The following RICTOR variants were observed in gnomAD, a reference collection of about 807,000 sequenced individuals.
RICTOR encodes the protein rapamycin-insensitive companion of mTOR.
Under a neutral mutation model 214.9 loss-of-function variants are expected in RICTOR, and 49 were observed. The ratio of observed to expected loss-of-function variants is 0.23; its 90% CI spans 0.18 to 0.29. The LOEUF (loss-of-function observed/expected upper bound fraction) is 0.29. Ranked by LOEUF, RICTOR falls within the 10% of genes least tolerant of loss-of-function variation. The pLI is 1.00. For missense variants in RICTOR, 1,625 were observed against 2,047.0 expected (o/e 0.79, Z 3.98); for synonymous variants, 717 against 711.3 (o/e 1.01, Z -0.13).
intron 2 of RICTOR, among the ~76,000 whole-genome samples, chr5:39,033,558 G>C (rs1756425343): frequency 6.6e-6 from 1 of 152,058 alleles, no homozygotes; most frequent in South Asian, 2.1e-4. Flanking sequence ...CACTGCACCT[G>C]GCCCACCAGT....
At chr5:39,005,845 C>T (rs1022500509) in intron 3 of RICTOR, among the ~76,000 whole-genome samples, 1 of 152,196 alleles carries the variant, frequency 6.6e-6, no homozygotes, top group Non-Finnish European at 1.5e-5. Flanking sequence ...TCTGCTTTTT[C>T]CCTGCCACCT....
Position 39,073,561 on chromosome 5 carries a change from G to A in RICTOR, c.97+550C>T, listed in dbSNP as rs75612118. Among the ~76,000 whole-genome samples the A allele has an allele frequency of 1.9e-3, 295 of 152,318 alleles. 1 individual carries two copies. Among genetic ancestry groups the A allele is most frequent in the Middle Eastern group, 0.01 (3 of 294 alleles). ...CATAAACCAGACATTTAGCAGTAAT[G>A]ACCAGTTCTAGGTTTCACTACCAAG... On this transcript the variant is annotated intron_variant, in intron 2 of 37. Coordinates refer to ENST00000357387, the MANE Select transcript of RICTOR (RefSeq NM_152756.5).
chr5:39,059,783 T>C (rs1389405668), intron 2 of RICTOR, among the ~76,000 whole-genome samples: 1 of 152,144 alleles, frequency 6.6e-6, no homozygotes, highest in Non-Finnish European at 1.5e-5. Context: ...TCTTTTGCTT[T>C]CACTGACCAT....
chr5:38,949,397 T>C lies in RICTOR; in HGVS notation c.4136+315A>G, dbSNP rs1296607524. The stretch of plus-strand genomic sequence containing the variant: ...TTATTGTAGGTCTTAAGCTCCTGAT[T>C]CCCCCGACATGCTTCTTTTTAAAAT... On this transcript the variant is annotated intron_variant, in intron 31 of 37. Coordinates refer to ENST00000357387, the MANE Select transcript of RICTOR (RefSeq NM_152756.5). 5 of 1,592,026 alleles carry C rather than the reference T, an allele frequency of 3.1e-6. No individual in the cohort carries two copies. The South Asian group carries it at 5.6e-5, about 18-fold the overall frequency.
In RICTOR at chr5:38,950,299, T is replaced by C. The variant is rs544129708; in HGVS notation, c.3549A>G (p.Leu1183=). 4 of 1,613,546 alleles carry C rather than the reference T, an allele frequency of 2.5e-6. No homozygotes were observed. The highest frequency in any genetic ancestry group is 3.4e-6 in the Non-Finnish European group (4 of 1,179,604). Residue 1183 remains leucine (L), a synonymous_variant, in exon 31 of 38, where the codon TTA becomes TTG. Transcript: ENST00000357387. ...GSTPSIGEND[L]KFTKNFGTEN... ...CTGTACCAAAATTCTTGGTGAATTT[T>C]AAGTCATTTTCTCCAATGCTTGGTG...
chr5:38,969,272 T>C, intron 11 of RICTOR, among the ~76,000 whole-genome samples: 1 of 151,896 alleles, frequency 6.6e-6, no homozygotes, highest in Non-Finnish European at 1.5e-5. Context: ...GCACCTGGCC[T>C]GTGTTTTTGT....
rs988056125 is a variant in RICTOR, at chr5:38,938,020, C to T, written c.*4284G>A. On this transcript the variant is annotated 3_prime_UTR_variant, in exon 38 of 38. Coordinates refer to ENST00000357387, the MANE Select transcript of RICTOR (RefSeq NM_152756.5). ...CTTGACATAAACTATACACATTATA[C>T]AAAAACAAGAAAATCACAACAAAAA... 5.0e-6 allele frequency: 1 copy of T among 200,280 alleles called. No individual in the cohort carries two copies. Among genetic ancestry groups the T allele is most frequent in the Admixed American group, 6.0e-5 (1 of 16,586 alleles). The allele number at this position is 200,280 out of a possible 1,614,324, so 12.4% of individuals were successfully genotyped here.
In RICTOR at chr5:39,060,030, C is replaced by A. The variant is rs560005743; in HGVS notation, c.97+14081G>T. On this transcript the variant is annotated intron_variant, in intron 2 of 37. Coordinates refer to ENST00000357387, the MANE Select transcript of RICTOR (RefSeq NM_152756.5). ...ATGCTTTTAGTCAATACTAGACTGT[C>A]TTCATATCATGCAATCAGTACCTTA... Among the ~76,000 whole-genome samples, 5 of 152,130 alleles carry A rather than the reference C, an allele frequency of 3.3e-5. No homozygotes were observed. In the East Asian group the frequency reaches 9.6e-4, roughly 29 times the overall value.
intron 27 of RICTOR, 89 bp downstream of exon 27, chr5:38,954,684 GT>G (rs1579900545): frequency 1.3e-6 from 1 of 782,160 alleles, no homozygotes; most frequent in East Asian, 2.6e-5. Flanking sequence ...CTTTTGAGAA[GT>G]TTTTGCAAAG....
intron 31 of RICTOR, chr5:38,949,358 G>A: frequency 6.4e-7 from 1 of 1,567,400 alleles, no homozygotes; most frequent in Non-Finnish European, 8.6e-7. Context: ...TGACCTACCT[G>A]AAAAGGTTGT....
Sources: gnomAD v4.1 joint callset for allele counts (sites outside exome capture counted in the v4.1 genomes callset) on GRCh38, gnomAD v4.1.1 for gene constraint, MANE v1.5 for transcripts, NCBI Gene and HGNC (gene_info 2026-07-23, HGNC 2026-07-21) for gene names.